The following TOR2A variants were observed in gnomAD, a reference collection of about 807,000 sequenced individuals.
TOR2A encodes the protein prosalusin.
A neutral mutation model predicts 28.6 loss-of-function variants in TOR2A; 24 were observed. The observed-to-expected ratio is 0.84, with a 90% CI of 0.61 to 1.18. The LOEUF is 1.18. Ranked by LOEUF, TOR2A falls within the 50% of genes most tolerant of loss-of-function variation. The pLI, the probability that TOR2A is intolerant of heterozygous loss-of-function variation, is 0.00. For synonymous variants in TOR2A, 203 were observed against 203.1 expected, an observed-to-expected ratio of 1.00 and a Z score of 0.00; for missense variants, 426 against 448.1, an observed-to-expected ratio of 0.95 and a Z score of 0.45.
chr9:127,732,995 G>A (rs1050481007), intron 3 of TOR2A: 2 of 1,384,736 alleles, frequency 1.4e-6, no homozygotes, highest in African/African-American at 2.9e-5. Context: ...TTCAGAAGCA[G>A]AGACAGAGGC....
intron 1 of TOR2A, 163 bp downstream of exon 1, chr9:127,734,957 C>G: frequency 9.0e-7 from 1 of 1,111,024 alleles, no homozygotes; most frequent in Non-Finnish European, 1.2e-6. Context: ...TGGACCTCAA[C>G]GGGTACCCTC....
At chr9:127,734,112 A>C in intron 2 of TOR2A, 187 bp downstream of exon 2, 1 of 694,378 alleles carries the variant, frequency 1.4e-6, no homozygotes, top group African/African-American at 1.9e-5. Flanking sequence ...TACTGCCCCA[A>C]GGAATCAAAG....
At chr9:127,733,105 G>A (rs746737724) in intron 3 of TOR2A, 228 of 1,507,666 alleles carry the variant, frequency 1.5e-4, no homozygotes, top group Non-Finnish European at 1.9e-4. Context: ...CCAGGCCTGT[G>A]TCCTCCTCAC....
Position 127,734,307 on chromosome 9 carries a change from G to A in TOR2A, c.409C>T (p.Arg137Cys), listed in dbSNP as rs745883943. ...LHFPHPSHIE[R>C]YKKDLKSWVQ... is the part of the protein sequence containing the mutation. ...GGACGCATCCAGCCTACCTTGTAGCGCTCGATGTGGCTGGGGTGGGGGAAG... is the reference window on the plus strand; with the variant it reads ...GGACGCATCCAGCCTACCTTGTAGCACTCGATGTGGCTGGGGTGGGGGAAG... Residue 137 changes from arginine (R) to cysteine (C), a missense_variant, in exon 2 of 5, where the codon CGC becomes TGC. Arg to Cys is a radical substitution (Grantham distance 180, BLOSUM62 -3). Coordinates refer to ENST00000373284, the MANE Select transcript of TOR2A (RefSeq NM_001085347.3). 2.5e-6 allele frequency: 4 copies of A among 1,593,638 alleles called. No individual in the cohort carries two copies. Among genetic ancestry groups the A allele is most frequent in the Admixed American group, 3.4e-5 (2 of 58,640 alleles).
At position 127,734,851 on chromosome 9, in the gene TOR2A, C is replaced by T. The variant is rs188750099; in HGVS notation, c.151+269G>A. On this transcript the variant is annotated intron_variant, in intron 1 of 4. Coordinates refer to ENST00000373284, the MANE Select transcript of TOR2A (RefSeq NM_001085347.3). ...CCGCCCATCCCCAAGGCGCACTGCA[C>T]TTCTCCTTTGACGGCCAGGCCATTC... 4.4e-3 allele frequency: 2,358 copies of T among 541,146 alleles called. 12 individuals are homozygous for T. The highest frequency in any genetic ancestry group is 4.7e-3 in the Non-Finnish European group (1,565 of 333,674). 33.5% of individuals were successfully genotyped at this position (541,146 alleles called of 1,614,324 possible).
rs953497661 is a variant in TOR2A at position 127,734,321 on chromosome 9, G to C, written c.395C>G (p.Pro132Arg). Residue 132 changes from proline (P) to arginine (R), a missense_variant, in exon 2 of 5, where the codon CCC becomes CGC. Physicochemically the swap from Pro to Arg is moderately radical, Grantham distance 103. Coordinates refer to ENST00000373284, the MANE Select transcript of TOR2A (RefSeq NM_001085347.3). ...TACCTTGTAGCGCTCGATGTGGCTG[G>C]GGTGGGGGAAGTGGAGGACGGGAGA... ...HFSPVLHFPHPSHIERYKKDL... is the reference protein window; with the variant it reads ...HFSPVLHFPHRSHIERYKKDL... 6.2e-7 allele frequency: 1 copy of C among 1,602,102 alleles called. No homozygotes were observed. Among genetic ancestry groups the C allele is most frequent in the Non-Finnish European group, 8.5e-7 (1 of 1,173,902 alleles).
chr9:127,734,116 A>C, intron 2 of TOR2A, 183 bp downstream of exon 2: 2 of 723,746 alleles, frequency 2.8e-6, no homozygotes, highest in Non-Finnish European at 4.2e-6. Context: ...GCCCCAAGGA[A>C]TCAAAGTACT....
intron 3 of TOR2A, 188 bp from the exon 4 acceptor site, chr9:127,732,879 A>C: frequency 2.1e-6 from 3 of 1,425,886 alleles, no homozygotes; most frequent in Non-Finnish European, 2.7e-6. Flanking sequence ...ATTCACCTAC[A>C]CATGCCACGT....
At chr9:127,733,242 C>T in intron 3 of TOR2A, 143 bp downstream of exon 3, 1 of 1,611,314 alleles carries the variant, frequency 6.2e-7, no homozygotes, top group East Asian at 2.2e-5. Context: ...ACAATGTCAT[C>T]TCTGAGAGTG....
In TOR2A at chr9:127,732,199, G is replaced by A. The variant is rs373604220; in HGVS notation, c.801C>T (p.His267=). The part of the protein sequence containing the change: ...VVPFLPLQRH[H]VRHCVLNELA... ...GCTCGTTGAGCACGCAGTGCCGGAC[G>A]TGGTGCCGCTGGAGCGGGAGGAAGG... Residue 267 remains histidine, a synonymous_variant, in exon 5 of 5, where the codon CAC becomes CAT. Coordinates refer to ENST00000373284, the MANE Select transcript of TOR2A (RefSeq NM_001085347.3). The A allele has an allele frequency of 2.8e-4, 459 of 1,612,550 alleles. No individual in the cohort carries two copies. The highest frequency in any genetic ancestry group is 2.5e-3 in the Middle Eastern group (15 of 5,990).
intron 2 of TOR2A, 147 bp from the exon 3 acceptor site, chr9:127,733,707 T>C: frequency 1.3e-6 from 1 of 744,092 alleles, no homozygotes; most frequent in Non-Finnish European, 2.1e-6. Flanking sequence ...ATGGTGAAAC[T>C]GTATCCCAGA....
chr9:127,732,798 C>T (rs1289925470), intron 3 of TOR2A, 107 bp from the exon 4 acceptor site: 22 of 1,466,448 alleles, frequency 1.5e-5, no homozygotes, highest in Admixed American at 4.7e-5. Flanking sequence ...TGGCTCAGTG[C>T]GGGGAGGAGC....
Position 127,732,053 on chromosome 9 carries a change from C to A in TOR2A, c.947G>T (p.Arg316Leu), listed in dbSNP as rs770165869. ...AGAGAGTCAGAGGAAGAAGGCGATT[C>A]GGGAGGCCACGGTCTTGCAGCCGTT... ...SSNGCKTVAS[R>L]IAFFL Residue 316 changes from arginine (R) to leucine (L), a missense_variant, in exon 5 of 5, where the codon CGA becomes CTA. Physicochemically the swap from Arg to Leu is moderately radical, Grantham distance 102. Coordinates refer to ENST00000373284, the MANE Select transcript of TOR2A (RefSeq NM_001085347.3). 21 of 1,613,404 alleles carry A rather than the reference C, an allele frequency of 1.3e-5. No homozygotes were observed. Among genetic ancestry groups the A allele is most frequent in the Non-Finnish European group, 1.8e-5 (21 of 1,179,806 alleles).
At chr9:127,732,759 C>A in intron 3 of TOR2A, 68 bp from the exon 4 acceptor site, 1 of 1,518,248 alleles carries the variant, frequency 6.6e-7, no homozygotes, top group Non-Finnish European at 8.9e-7. Context: ...TGGACCCTCG[C>A]TTCCCCGCTG....
chr9:127,731,724 G>A lies in TOR2A; in HGVS notation c.*310C>T, dbSNP rs1478832827. ...AAGGAGGCAAGGGGCAAGGGTGGCA[G>A]ACTGAGGAGGGAGCACCGCCACGAG... On this transcript the variant is annotated 3_prime_UTR_variant, in exon 5 of 5. Coordinates refer to ENST00000373284, the MANE Select transcript of TOR2A (RefSeq NM_001085347.3). The A allele has an allele frequency of 3.0e-6, 2 of 663,258 alleles. No homozygotes were observed. Among genetic ancestry groups the A allele is most frequent in the Non-Finnish European group, 4.7e-6 (2 of 423,130 alleles). 41.1% of individuals were successfully genotyped at this position (663,258 alleles called of 1,614,324 possible).
In TOR2A at chr9:127,731,525, C is replaced by G. The variant is rs968075951; in HGVS notation, c.*509G>C. ...AATTAAAAGTCTTAGCAACAGTCCT[C>G]TGGTCCCACAGCTGAGTTTATTATA... On this transcript the variant is annotated 3_prime_UTR_variant, in exon 5 of 5. Transcript: ENST00000373284. 6.8e-6 allele frequency: 10 copies of G among 1,477,514 alleles called. No individual in the cohort carries two copies. Among genetic ancestry groups the G allele is most frequent in the Non-Finnish European group, 8.9e-6 (10 of 1,117,842 alleles). 91.5% of individuals were successfully genotyped at this position (1,477,514 alleles called of 1,614,324 possible). A position where few individuals can be genotyped will look rare whatever the true frequency, so the allele number is the denominator to read the frequency against.
Position 127,732,111 on chromosome 9 carries a change from A to G in TOR2A, c.889T>C (p.Phe297Leu). ...VVQAVLDSTTFFPEDEQLFSS... is the reference protein window; with the variant it reads ...VVQAVLDSTTLFPEDEQLFSS... ...AAGAGCTGCTCGTCTTCAGGGAAGA[A>G]GGTGGTGCTGTCCAGCACAGCCTGG... Residue 297 changes from phenylalanine to leucine, a missense_variant, in exon 5 of 5, where the codon TTC becomes CTC. By Grantham distance (22) the Phe-to-Leu change is conservative (BLOSUM62 0). Transcript: ENST00000373284. The G allele has an allele frequency of 6.2e-7, 1 of 1,613,794 alleles. No individual in the cohort carries two copies.
rs867376298 is a variant in TOR2A, at chr9:127,732,645, G to A, written c.640C>T (p.Arg214Cys). Residue 214 changes from arginine (R) to cysteine (C), a missense_variant, in exon 4 of 5, where the codon CGC becomes TGC. Transcript: ENST00000373284. Reference protein sequence around the residue: ...QINQVALEAWRSRRDREEILL... With the variant: ...QINQVALEAWCSRRDREEILL... ...ATCTCCTCGCGGTCCCGCCGGCTGC[G>A]CCACGCCTCCAATGCCACCTGGTTG... 7.6e-6 allele frequency: 12 copies of A among 1,571,594 alleles called. No individual in the cohort carries two copies. The highest frequency in any genetic ancestry group is 5.4e-5 in the African/African-American group (4 of 74,216).
At position 127,735,290 on chromosome 9, in the gene TOR2A, G is replaced by T; in HGVS notation, c.-20C>A. 1 of 1,366,576 alleles carries T rather than the reference G, an allele frequency of 7.3e-7. No homozygotes were observed. The highest frequency in any genetic ancestry group is 9.4e-7 in the Non-Finnish European group (1 of 1,067,428). 84.7% of individuals were successfully genotyped at this position (1,366,576 alleles called of 1,614,324 possible). A position where few individuals can be genotyped will look rare whatever the true frequency, so the allele number is the denominator to read the frequency against. Reference sequence around the variant, plus strand: ...CGCCATCCGGGTGAGGCCCGAGCTCGTTGTGGGGCAGTCAACTGCCTCGCC... The same window carrying T: ...CGCCATCCGGGTGAGGCCCGAGCTCTTTGTGGGGCAGTCAACTGCCTCGCC... On this transcript the variant is annotated 5_prime_UTR_variant, in exon 1 of 5. Transcript: ENST00000373284.
Sources: allele counts gnomAD v4.1 joint callset, GRCh38; gene constraint gnomAD v4.1.1; transcripts MANE v1.5; gene names NCBI Gene and HGNC (gene_info 2026-07-23, HGNC 2026-07-21).